ACACB: variants seen among roughly 807,000 people sequenced by gnomAD.
ACACB encodes the protein acetyl-CoA carboxylase beta.
A neutral mutation model predicts 278.8 loss-of-function variants in ACACB; 209 were observed. The ratio of observed to expected loss-of-function variants is 0.75; its 90% confidence interval spans 0.67 to 0.84. The LOEUF is 0.84. Ranked by LOEUF, ACACB falls within the 40% of genes least tolerant of loss-of-function variation. The probability of loss-of-function intolerance (pLI) is 0.00; values close to 1 mark genes in which losing one functional copy is unlikely to be tolerated. For synonymous variants in ACACB, 1,174 were observed against 1,285.6 expected (o/e 0.91, Z 1.86); for missense variants, 2,850 against 3,269.0 (o/e 0.87, Z 3.13).
intron 24 of ACACB, among the ~76,000 whole-genome samples, chr12:109,219,026 C>G (rs1363235617): frequency 6.6e-6 from 1 of 152,118 alleles, no homozygotes; most frequent in Non-Finnish European, 1.5e-5. Flanking sequence ...CTCGGCCTCC[C>G]AAAGTGCTGG....
At position 109,209,153 on chromosome 12, in the gene ACACB, TC is replaced by T. The variant is rs747071882; in HGVS notation, c.3061-8del. On this transcript the variant is annotated splice_polypyrimidine_tract_variant and intron_variant, in intron 20 of 52. Transcript: ENST00000338432. Reference sequence around the variant, plus strand: ...GCAGGGCTGGGGGCTGATGCTGTGGTCCCCGCTTCAGCTGAAGGAGTGGGTG... The same window carrying T: ...GCAGGGCTGGGGGCTGATGCTGTGGTCCCGCTTCAGCTGAAGGAGTGGGTG... 60 of 1,582,948 alleles carry T rather than the reference TC, an allele frequency of 3.8e-5. No homozygotes were observed. In the African/African-American group the frequency reaches 7.5e-4, roughly 20 times the overall value.
chr12:109,140,276 TTCCTTCC>T lies in ACACB; in HGVS notation c.653+220_653+226del, dbSNP rs1565857531. On this transcript the variant is annotated intron_variant, in intron 2 of 52. Transcript: ENST00000338432. ...CTTCCATCCTTCCTTCCTTCTTTCCTTCCTTCCTTCCTTCCTTCCTTCCTTCCTTCCT... is the reference window on the plus strand; with the variant it reads ...CTTCCATCCTTCCTTCCTTCTTTCCTTTCCTTCCTTCCTTCCTTCCTTCCT... Among the ~76,000 whole-genome samples the T allele has an allele frequency of 4.7e-4, 10 of 21,062 alleles. No homozygotes were observed. The Admixed American group carries it at 5.2e-3, about 11-fold the overall frequency. 13.8% of individuals were successfully genotyped at this position (21,062 alleles called of 152,430 possible).
intron 9 of ACACB, among the ~76,000 whole-genome samples, chr12:109,178,771 G>C (rs2044358773): frequency 1.3e-5 from 2 of 152,202 alleles, no homozygotes; most frequent in Admixed American, 1.3e-4. Flanking sequence ...GTTTTATAGG[G>C]TGGTGCTGGA....
At chr12:109,210,752 T>C (rs1270071987) in intron 21 of ACACB, among the ~76,000 whole-genome samples, 2 of 143,448 alleles carry the variant, frequency 1.4e-5, no homozygotes, top group African/African-American at 5.1e-5. Context: ...CCATCTATAC[T>C]AAAAAAAAAA....
In ACACB at chr12:109,174,483, G is replaced by A. The variant is rs77336483; in HGVS notation, c.1216+253G>A. On this transcript the variant is annotated intron_variant, in intron 7 of 52. Coordinates refer to ENST00000338432, the MANE Select transcript of ACACB (RefSeq NM_001093.4). ...AAATCATTCATAATCCTATGACCCA[G>A]TGTTGAACATTTATTACATTGTAGG... 5.1e-3 allele frequency among the ~76,000 whole-genome samples: 779 copies of A among 151,266 alleles called. 11 individuals carry two copies. Among genetic ancestry groups the A allele is most frequent in the African/African-American group, 0.017 (714 of 41,138 alleles).
intron 4 of ACACB, 74 bp downstream of exon 4, chr12:109,168,108 G>C: frequency 6.6e-7 from 1 of 1,515,012 alleles, no homozygotes; most frequent in Non-Finnish European, 8.9e-7. Flanking sequence ...CCTGTGCCTA[G>C]GCAAGTCCAT....
intron 21 of ACACB, among the ~76,000 whole-genome samples, chr12:109,210,853 G>C (rs2045823776): frequency 6.6e-6 from 1 of 150,960 alleles, no homozygotes; most frequent in Non-Finnish European, 1.5e-5. Context: ...GGTGGAGGTT[G>C]CAGTGAGCCG....
rs1363004243 is a variant in ACACB, at chr12:109,185,645, G to A, written c.1885G>A (p.Gly629Arg). ...GCTTCTGTATGGAGAGTCACCATGG[G>A]GAGTGACTCCCATTTCTTTTGAAAC... ...IRLLYGESPW[G>R]VTPISFETPS... Residue 629 changes from glycine to arginine, a missense_variant, in exon 12 of 53, where the codon GGA becomes AGA. By Grantham distance (125) the Gly-to-Arg change is moderately radical. Transcript: ENST00000338432. The A allele has an allele frequency of 6.2e-7, 1 of 1,613,628 alleles. No individual in the cohort carries two copies. The highest frequency in any genetic ancestry group is 8.5e-7 in the Non-Finnish European group (1 of 1,179,806).
At chr12:109,198,219 C>T (rs1292775962) in intron 17 of ACACB, among the ~76,000 whole-genome samples, 3 of 152,066 alleles carry the variant, frequency 2.0e-5, no homozygotes, top group Non-Finnish European at 2.9e-5. Context: ...TTTTAACCCA[C>T]GTTCTATCTG....
intron 2 of ACACB, among the ~76,000 whole-genome samples, chr12:109,159,823 C>G (rs1056089650): frequency 6.6e-6 from 1 of 152,032 alleles, no homozygotes; most frequent in African/African-American, 2.4e-5. Context: ...GGCGCGGTGG[C>G]TCACCCCTGT....
At chr12:109,228,279 T>C (rs2046372763) in intron 28 of ACACB, among the ~76,000 whole-genome samples, 1 of 150,362 alleles carries the variant, frequency 6.7e-6, no homozygotes. Context: ...GAGGTTGCAG[T>C]GAGCTGAGAT....
chr12:109,230,239 C>G (rs2046429569), intron 28 of ACACB, among the ~76,000 whole-genome samples: 1 of 152,208 alleles, frequency 6.6e-6, no homozygotes, highest in South Asian at 2.1e-4. Context: ...CCCCACGAGG[C>G]ACTGCCTTTC....
chr12:109,243,572 C>T (rs1229326107), intron 37 of ACACB, among the ~76,000 whole-genome samples: 2 of 151,954 alleles, frequency 1.3e-5, no homozygotes, highest in African/African-American at 4.8e-5. Flanking sequence ...GCACTCTAGC[C>T]CTGGTGACAG....
intron 28 of ACACB, among the ~76,000 whole-genome samples, chr12:109,231,868 G>A (rs1452780994): frequency 6.6e-6 from 1 of 152,168 alleles, no homozygotes; most frequent in Non-Finnish European, 1.5e-5. Context: ...CCTCTGCTCT[G>A]CATCGAAATC....
At chr12:109,163,190 G>T (rs969771147) in intron 2 of ACACB, among the ~76,000 whole-genome samples, 2 of 152,168 alleles carry the variant, frequency 1.3e-5, no homozygotes, top group African/African-American at 4.8e-5. Flanking sequence ...CTCCCATAGT[G>T]CTGGGATTAC....
At chr12:109,156,661 C>A (rs1280762550) in intron 2 of ACACB, among the ~76,000 whole-genome samples, 1 of 150,998 alleles carries the variant, frequency 6.6e-6, no homozygotes, top group Non-Finnish European at 1.5e-5. Flanking sequence ...TGAATCTCTG[C>A]CTCCATCCTT....
rs561000552 is a variant in ACACB at position 109,200,959 on chromosome 12, G to C, written c.2779-608G>C. ...TGAAGATCACAGAGGTATTGGTGGG[G>C]GCAGTTCCTGGGATTCTAGTCCAGG... On this transcript the variant is annotated intron_variant, in intron 18 of 52. Coordinates refer to ENST00000338432, the MANE Select transcript of ACACB (RefSeq NM_001093.4). 1.4e-4 allele frequency among the ~76,000 whole-genome samples: 21 copies of C among 152,258 alleles called. 1 individual carries two copies. The South Asian group carries it at 2.5e-3, about 18-fold the overall frequency.
At chr12:109,127,219 G>A (rs1016895184) in intron 1 of ACACB, among the ~76,000 whole-genome samples, 16 of 152,134 alleles carry the variant, frequency 1.1e-4, no homozygotes, top group African/African-American at 3.6e-4. Context: ...AGGGTCGAAT[G>A]CCATGTATAC....
rs1170682726 is a variant in ACACB at position 109,166,939 on chromosome 12, G to A, written c.732G>A (p.Val244=). The A allele has an allele frequency of 1.2e-6, 2 of 1,614,028 alleles. No individual in the cohort carries two copies. The highest frequency in any genetic ancestry group is 3.3e-5 in the Admixed American group (2 of 59,984). The change falls in exon 3 of 53, where the codon GTG becomes GTA. Residue 244 remains valine (V), a synonymous_variant. Transcript: ENST00000338432. Reference sequence around the variant, plus strand: ...TGGACCTGCACAGAGACTTTACCGTGGCTTCTCCCGCTGAGTTTGTCACAC... The same window carrying A: ...TGGACCTGCACAGAGACTTTACCGTAGCTTCTCCCGCTGAGTTTGTCACAC... The part of the protein sequence containing the change: ...KKLDLHRDFT[V]ASPAEFVTRF...
Sources: allele counts gnomAD v4.1 joint callset (sites outside exome capture counted in the v4.1 genomes callset), GRCh38; gene constraint gnomAD v4.1.1; transcripts MANE v1.5; gene names NCBI Gene and HGNC (gene_info 2026-07-23, HGNC 2026-07-21).